CMIP: variants seen among roughly 807,000 people sequenced by gnomAD.
CMIP encodes c-Maf inducing protein, also known as C-Maf-inducing protein.
CMIP carries 13 observed loss-of-function variants against 97.3 expected under a neutral mutation model. That is an observed-to-expected ratio of 0.13 (90% CI 0.09 to 0.21). CMIP has a LOEUF of 0.21. Ranked by LOEUF, CMIP falls within the 10% of genes least tolerant of loss-of-function variation. The pLI, the probability that CMIP is intolerant of heterozygous loss-of-function variation, is 1.00. For synonymous variants in CMIP, 538 were observed against 436.3 expected (o/e 1.23, Z -2.91); for missense variants, 847 against 1,024.9 (o/e 0.83, Z 2.37).
intron 1 of CMIP, among the ~76,000 whole-genome samples, chr16:81,601,196 A>C (rs999178423): frequency 8.6e-5 from 13 of 151,966 alleles, no homozygotes; most frequent in African/African-American, 3.1e-4. Flanking sequence ...TCATGGGAGG[A>C]TTTTCCAGAC....
At chr16:81,629,128 T>G (rs1356584185) in intron 3 of CMIP, among the ~76,000 whole-genome samples, 3 of 84,290 alleles carry the variant, frequency 3.6e-5, no homozygotes, top group Non-Finnish European at 6.4e-5. Context: ...AGAGTGAAAC[T>G]GTGCTTAAAA....
At chr16:81,449,912 C>T (rs952941618) in intron 1 of CMIP, among the ~76,000 whole-genome samples, 1 of 152,216 alleles carries the variant, frequency 6.6e-6, no homozygotes, top group Non-Finnish European at 1.5e-5. Flanking sequence ...TCTGAGATGC[C>T]TGTTCCGGCC....
At chr16:81,565,095 G>A (rs957402071) in intron 1 of CMIP, among the ~76,000 whole-genome samples, 2 of 152,088 alleles carry the variant, frequency 1.3e-5, no homozygotes, top group Non-Finnish European at 2.9e-5. Flanking sequence ...TTAGCTGATG[G>A]CAGGCTCAGT....
At chr16:81,571,862 C>G (rs2091096520) in intron 1 of CMIP, among the ~76,000 whole-genome samples, 1 of 152,234 alleles carries the variant, frequency 6.6e-6, no homozygotes, top group African/African-American at 2.4e-5. Flanking sequence ...CTTGCACTAA[C>G]AAGGGTGGAT....
chr16:81,460,881 C>G (rs150303788), intron 1 of CMIP, among the ~76,000 whole-genome samples: 3 of 152,160 alleles, frequency 2.0e-5, no homozygotes, highest in Admixed American at 6.5e-5. Flanking sequence ...CTTTGCCTAC[C>G]CACTGTGGCC....
intron 1 of CMIP, among the ~76,000 whole-genome samples, chr16:81,482,992 T>A (rs151143308): frequency 3.3e-5 from 5 of 152,240 alleles, no homozygotes; most frequent in Admixed American, 6.5e-5. Flanking sequence ...GCAGGCATCA[T>A]CCTGGCCTAC....
chr16:81,697,533 G>A (rs997499143), intron 14 of CMIP: 1 of 152,282 alleles, frequency 6.6e-6, no homozygotes, highest in Non-Finnish European at 1.5e-5. Context: ...GAGCTAGCTT[G>A]TTGACCTTGG....
chr16:81,534,794 A>G (rs1391163106), intron 1 of CMIP, among the ~76,000 whole-genome samples: 1 of 152,186 alleles, frequency 6.6e-6, no homozygotes, highest in Non-Finnish European at 1.5e-5. Context: ...CATTCACTCA[A>G]TAGTGTGCCC....
intron 1 of CMIP, among the ~76,000 whole-genome samples, chr16:81,496,043 C>A (rs1353195937): frequency 6.6e-5 from 10 of 152,094 alleles, no homozygotes; most frequent in Non-Finnish European, 8.8e-5. Flanking sequence ...GCAAGTGAGC[C>A]AGGGACCGAG....
chr16:81,636,580 CAAAAAAAAAA>C (rs200195305), intron 3 of CMIP, among the ~76,000 whole-genome samples: 1 of 106,680 alleles, frequency 9.4e-6, no homozygotes, highest in Non-Finnish European at 1.9e-5. Flanking sequence ...AACTTCGTCT[CAAAAAAAAAA>C]AAAAAAAAAA....
At chr16:81,498,710 C>G (rs915509975) in intron 1 of CMIP, among the ~76,000 whole-genome samples, 2 of 152,182 alleles carry the variant, frequency 1.3e-5, no homozygotes, top group Admixed American at 6.5e-5. Flanking sequence ...GTCCTGGGCC[C>G]TGGCATGCAC....
At chr16:81,543,595 C>T (rs533707660) in intron 1 of CMIP, among the ~76,000 whole-genome samples, 25 of 152,278 alleles carry the variant, frequency 1.6e-4, no homozygotes, top group Non-Finnish European at 2.9e-4. Context: ...CAATTCCTGG[C>T]TTTTATCTAT....
rs1464542262 is a variant in CMIP at position 81,657,708 on chromosome 16, C to T, written c.640-67C>T. 3.0e-6 allele frequency: 4 copies of T among 1,317,010 alleles called. No individual in the cohort carries two copies. The Admixed American group carries it at 7.1e-5, about 23-fold the overall frequency. 81.6% of individuals were successfully genotyped at this position (1,317,010 alleles called of 1,614,324 possible). ...TTTCAAAACTGTGGATCTTGAAATC[C>T]AAATGCTCGTTTTCTTAATTTTCTT... On this transcript the variant is annotated intron_variant, in intron 4 of 20. Coordinates refer to ENST00000537098, the MANE Select transcript of CMIP (RefSeq NM_198390.3).
chr16:81,610,611 C>A, intron 2 of CMIP: 1 of 872,310 alleles, frequency 1.1e-6, no homozygotes, highest in Non-Finnish European at 1.4e-6. Flanking sequence ...GGGAGGTAGA[C>A]CTGGATCGGC....
chr16:81,488,657 A>G (rs1235960250), intron 1 of CMIP, among the ~76,000 whole-genome samples: 1 of 151,866 alleles, frequency 6.6e-6, no homozygotes, highest in African/African-American at 2.4e-5. Flanking sequence ...CTGGGCAGTC[A>G]TCAGCTTCCT....
At chr16:81,476,011 A>G (rs1340752269) in intron 1 of CMIP, 6 of 625,288 alleles carry the variant, frequency 9.6e-6, no homozygotes, top group Non-Finnish European at 1.2e-5. Flanking sequence ...AAGATAAAAC[A>G]TAAGTCAAAC....
intron 1 of CMIP, among the ~76,000 whole-genome samples, chr16:81,500,174 G>A (rs1362012777): frequency 6.6e-6 from 1 of 152,064 alleles, no homozygotes; most frequent in African/African-American, 2.4e-5. Flanking sequence ...CTGAGCATCG[G>A]TGAACATGAC....
chr16:81,704,183 C>G, intron 18 of CMIP, 98 bp downstream of exon 18: 1 of 1,008,866 alleles, frequency 9.9e-7, no homozygotes, highest in Non-Finnish European at 1.4e-6. Flanking sequence ...TCCCCTCAGC[C>G]TCCTCCCTGC....
chr16:81,542,036 T>C (rs1275306972), intron 1 of CMIP, among the ~76,000 whole-genome samples: 1 of 152,192 alleles, frequency 6.6e-6, no homozygotes, highest in Non-Finnish European at 1.5e-5. Flanking sequence ...CACATCACAT[T>C]CCATAAAATG....
Sources: allele counts gnomAD v4.1 joint callset (sites outside exome capture counted in the v4.1 genomes callset), GRCh38; gene constraint gnomAD v4.1.1; transcripts MANE v1.5; gene names NCBI Gene and HGNC (gene_info 2026-07-23, HGNC 2026-07-21).